Variants in GOLM2 observed in about 807,000 individuals in gnomAD.
GOLM2 encodes the protein golgi membrane protein 2.
GOLM2 carries 26 observed loss-of-function variants against 55.9 expected under a neutral mutation model. The ratio of observed to expected loss-of-function variants is 0.47; its 90% CI spans 0.34 to 0.65. The LOEUF (loss-of-function observed/expected upper bound fraction) is 0.65. GOLM2 is among the 30% of genes least tolerant of loss of function. GOLM2 has a pLI of 0.01. For missense variants in GOLM2, 486 were observed against 531.8 expected (o/e 0.91, Z 0.85); for synonymous variants, 165 against 194.6 (o/e 0.85, Z 1.27).
At chr15:44,363,063 A>G (rs1204352590) in intron 6 of GOLM2, among the ~76,000 whole-genome samples, 1 of 152,190 alleles carries the variant, frequency 6.6e-6, no homozygotes, top group Non-Finnish European at 1.5e-5. Context: ...TAAAGACTTA[A>G]ACGTTAGACC....
chr15:44,354,500 CCA>C (rs910444420), intron 6 of GOLM2, among the ~76,000 whole-genome samples: 1 of 151,172 alleles, frequency 6.6e-6, no homozygotes, highest in African/African-American at 2.4e-5. Flanking sequence ...GAGACAGCAA[CCA>C]CACACAAAAA....
At chr15:44,312,992 T>A (rs1480947296) in intron 1 of GOLM2, among the ~76,000 whole-genome samples, 2 of 152,090 alleles carry the variant, frequency 1.3e-5, no homozygotes, top group South Asian at 2.1e-4. Context: ...GACAGGAGAA[T>A]CATTTGAACT....
chr15:44,341,840 G>T (rs569598524), intron 6 of GOLM2, among the ~76,000 whole-genome samples: 4 of 151,458 alleles, frequency 2.6e-5, no homozygotes, highest in Admixed American at 1.3e-4. Context: ...GGATTACAGC[G>T]CCCACCACCA....
chr15:44,402,951 T>C lies in GOLM2; in HGVS notation c.1137T>C (p.Tyr379=). The change falls in exon 9 of 10, where the codon TAT becomes TAC. Residue 379 remains tyrosine, a synonymous_variant. Transcript: ENST00000299957. ...AGCATGGCTCTAAACTGGCGGATTA[T>C]AATGGGGATGATGGTAACGTAGGTG... ...DPQHGSKLAD[Y]NGDDGNVGEY... The C allele has an allele frequency of 6.2e-7, 1 of 1,614,050 alleles. No individual in the cohort carries two copies. The highest frequency in any genetic ancestry group is 8.5e-7 in the Non-Finnish European group (1 of 1,179,998).
At chr15:44,399,006 A>G (rs765531067) in intron 8 of GOLM2, among the ~76,000 whole-genome samples, 5 of 152,040 alleles carry the variant, frequency 3.3e-5, no homozygotes, top group Non-Finnish European at 5.9e-5. Flanking sequence ...AACTTACTCT[A>G]ACTTTCTCAT....
In GOLM2 at chr15:44,414,993, G is replaced by A. The variant is rs991954187; in HGVS notation, c.*1587G>A. On this transcript the variant is annotated 3_prime_UTR_variant, in exon 10 of 10. Coordinates refer to ENST00000299957, the MANE Select transcript of GOLM2 (RefSeq NM_138423.4). ...TTAAGATTGTTAACCCTGTTTTTCA[G>A]AAGGGCTACTGTTAATTGCACATAA... The A allele has an allele frequency of 4.6e-5, 7 of 152,566 alleles. No homozygotes were observed. The East Asian group carries it at 1.3e-3, about 29-fold the overall frequency. 9.5% of individuals were successfully genotyped at this position (152,566 alleles called of 1,614,324 possible).
At position 44,344,842 on chromosome 15, in the gene GOLM2, A is replaced by C. The variant is rs542668682; in HGVS notation, c.802+6525A>C. 8.9e-4 allele frequency among the ~76,000 whole-genome samples: 134 copies of C among 150,292 alleles called. 2 individuals are homozygous for C. Among genetic ancestry groups the C allele is most frequent in the African/African-American group, 3.2e-3 (132 of 40,928 alleles). ...GCCCAGGCTGGAGTGCAGTGGCGCA[A>C]TCTTGGCTCACTGCAAGCTCTGCCT... is the stretch of plus-strand genomic sequence containing the variant. On this transcript the variant is annotated intron_variant, in intron 6 of 9. Coordinates refer to ENST00000299957, the MANE Select transcript of GOLM2 (RefSeq NM_138423.4).
chr15:44,341,654 A>G (rs1595635987), intron 6 of GOLM2, among the ~76,000 whole-genome samples: 2 of 151,206 alleles, frequency 1.3e-5, no homozygotes, highest in Admixed American at 1.3e-4. Context: ...TGCTTTCTTA[A>G]TAATAATTTT....
At position 44,330,208 on chromosome 15, in the gene GOLM2, T is replaced by TAA. The variant is rs746756627; in HGVS notation, c.485+1443_485+1444dup. Among the ~76,000 whole-genome samples the TAA allele has an allele frequency of 1.6e-3, 130 of 81,432 alleles. 2 individuals are homozygous for TAA. Among genetic ancestry groups the TAA allele is most frequent in the African/African-American group, 3.1e-3 (57 of 18,624 alleles). 53.4% of individuals were successfully genotyped at this position (81,432 alleles called of 152,430 possible). A position where few individuals can be genotyped will look rare whatever the true frequency, so the allele number is the denominator to read the frequency against. ...TACAGGTGTGAAGAACTTGTCTCTT[T>TAA]AAAAAAAAAAAAAAAAAAAAAAAGC... is the stretch of plus-strand genomic sequence containing the variant. On this transcript the variant is annotated intron_variant, in intron 3 of 9. Coordinates refer to ENST00000299957, the MANE Select transcript of GOLM2 (RefSeq NM_138423.4).
chr15:44,404,025 A>G (rs1229775534), intron 9 of GOLM2, among the ~76,000 whole-genome samples: 1 of 152,178 alleles, frequency 6.6e-6, no homozygotes, highest in Non-Finnish European at 1.5e-5. Context: ...AGCCCTACCC[A>G]TGCATGCATA....
chr15:44,361,864 C>T (rs2079242706), intron 6 of GOLM2, among the ~76,000 whole-genome samples: 1 of 152,092 alleles, frequency 6.6e-6, no homozygotes, highest in South Asian at 2.1e-4. Context: ...TGGGCTTCAT[C>T]CCTGGGATGC....
chr15:44,379,075 A>T (rs992467354), intron 6 of GOLM2, among the ~76,000 whole-genome samples: 2 of 152,078 alleles, frequency 1.3e-5, no homozygotes, highest in Admixed American at 1.3e-4. Flanking sequence ...TCTTTGTTGA[A>T]CTTCTCTTAC....
At chr15:44,405,611 TTG>T (rs943471689) in intron 9 of GOLM2, among the ~76,000 whole-genome samples, 31 of 152,088 alleles carry the variant, frequency 2.0e-4, no homozygotes, top group Admixed American at 1.1e-3. Flanking sequence ...GAGTTGATTT[TTG>T]TGTGTTTTTT....
intron 6 of GOLM2, among the ~76,000 whole-genome samples, chr15:44,351,478 G>C (rs903889759): frequency 3.3e-5 from 5 of 150,410 alleles, no homozygotes; most frequent in African/African-American, 1.2e-4. Flanking sequence ...TCAGGAGGAT[G>C]AGGCAGGAGA....
chr15:44,338,193 T>C (rs765175037), intron 5 of GOLM2, 44 bp from the exon 6 acceptor site: 1 of 1,552,656 alleles, frequency 6.4e-7, no homozygotes. Flanking sequence ...TTTCAAATTA[T>C]GTAAGAAAAA....
At chr15:44,351,230 A>G (rs1001399307) in intron 6 of GOLM2, among the ~76,000 whole-genome samples, 1 of 152,110 alleles carries the variant, frequency 6.6e-6, no homozygotes, top group African/African-American at 2.4e-5. Context: ...TCCCACTTTA[A>G]GCACTGCTAT....
intron 2 of GOLM2, among the ~76,000 whole-genome samples, chr15:44,327,836 CAT>C (rs1002531175): frequency 1.3e-5 from 2 of 152,170 alleles, no homozygotes; most frequent in African/African-American, 4.8e-5. Context: ...TGGAATTTCA[CAT>C]GATTCATTTC....
chr15:44,351,787 A>C (rs1187542046), intron 6 of GOLM2, among the ~76,000 whole-genome samples: 1 of 152,158 alleles, frequency 6.6e-6, no homozygotes, highest in Non-Finnish European at 1.5e-5. Context: ...CCAACAGCGA[A>C]TAATCTGAAA....
intron 6 of GOLM2, among the ~76,000 whole-genome samples, chr15:44,344,619 C>G (rs2079111290): frequency 6.6e-6 from 1 of 151,868 alleles, no homozygotes; most frequent in Admixed American, 6.6e-5. Flanking sequence ...GAGACAGGAT[C>G]TTATTCTGTC....
Sources: allele counts gnomAD v4.1 joint callset (sites outside exome capture counted in the v4.1 genomes callset), GRCh38; gene constraint gnomAD v4.1.1; transcripts MANE v1.5; gene names NCBI Gene and HGNC (gene_info 2026-07-23, HGNC 2026-07-21).